The following LRRC36 variants were observed in gnomAD, a reference collection of about 807,000 sequenced individuals.
LRRC36 encodes leucine-rich repeat-containing protein 36.
In LRRC36, 62 loss-of-function variants were observed where a neutral mutation model predicts 81.1. The ratio of observed to expected loss-of-function variants is 0.76; its 90% CI spans 0.62 to 0.94. The LOEUF (loss-of-function observed/expected upper bound fraction) is 0.94, where lower values mean the gene tolerates loss of function less well. LRRC36 is among the 40% of genes least tolerant of loss of function. The probability of loss-of-function intolerance (pLI) is 0.00; values close to 1 mark genes in which losing one functional copy is unlikely to be tolerated. For synonymous variants in LRRC36, 334 were observed against 348.6 expected (o/e 0.96, Z 0.47); for missense variants, 761 against 881.7 (o/e 0.86, Z 1.73).
chr16:67,331,889 G>A (rs2037508857), intron 1 of LRRC36, among the ~76,000 whole-genome samples: 1 of 152,022 alleles, frequency 6.6e-6, no homozygotes. Context: ...TTGGGAGGCT[G>A]AGGCAGGAGA....
chr16:67,372,970 A>G (rs966570850), intron 9 of LRRC36, among the ~76,000 whole-genome samples: 10 of 152,208 alleles, frequency 6.6e-5, no homozygotes, highest in Non-Finnish European at 1.3e-4. Context: ...CTGTATTCAG[A>G]GTGAAGATCC....
intron 1 of LRRC36, among the ~76,000 whole-genome samples, chr16:67,336,409 G>C (rs932614626): frequency 7.2e-5 from 11 of 152,170 alleles, no homozygotes; most frequent in African/African-American, 2.7e-4. Flanking sequence ...GTCTTCTCAG[G>C]TGGCTTCACC....
At chr16:67,347,009 G>A (rs1045018602) in intron 3 of LRRC36, among the ~76,000 whole-genome samples, 2 of 152,064 alleles carry the variant, frequency 1.3e-5, no homozygotes, top group Non-Finnish European at 2.9e-5. Context: ...CAAGTAGCTG[G>A]AACTACAGGC....
intron 13 of LRRC36, among the ~76,000 whole-genome samples, chr16:67,383,953 A>G (rs780456015): frequency 4.8e-4 from 73 of 152,290 alleles, no homozygotes; most frequent in Admixed American, 2.1e-3. Context: ...TGGTGTATAG[A>G]GTTAGTTCTC....
At chr16:67,358,682 A>G (rs1281591496) in intron 5 of LRRC36, among the ~76,000 whole-genome samples, 2 of 152,054 alleles carry the variant, frequency 1.3e-5, no homozygotes, top group Admixed American at 6.6e-5. Flanking sequence ...TTACAACTCA[A>G]TAACAAAAAG....
At chr16:67,361,029 C>G (rs1030600097) in intron 5 of LRRC36, among the ~76,000 whole-genome samples, 1 of 152,134 alleles carries the variant, frequency 6.6e-6, no homozygotes, top group Non-Finnish European at 1.5e-5. Flanking sequence ...AATATGACAA[C>G]CTAATAGAAT....
At chr16:67,342,477 A>G (rs951664049) in intron 2 of LRRC36, among the ~76,000 whole-genome samples, 3 of 152,152 alleles carry the variant, frequency 2.0e-5, no homozygotes, top group Non-Finnish European at 2.9e-5. Context: ...TGATGGTGGT[A>G]CATGGAGCAT....
intron 5 of LRRC36, among the ~76,000 whole-genome samples, chr16:67,354,597 CAT>C (rs987231380): frequency 6.6e-6 from 1 of 152,058 alleles, no homozygotes; most frequent in African/African-American, 2.4e-5. Flanking sequence ...ATTTTTAAAA[CAT>C]ATTTTATTTT....
chr16:67,333,837 T>G (rs2037617700), intron 1 of LRRC36, among the ~76,000 whole-genome samples: 1 of 152,134 alleles, frequency 6.6e-6, no homozygotes, highest in Non-Finnish European at 1.5e-5. Flanking sequence ...CTTACCTTCC[T>G]TGCACCTCTC....
At chr16:67,333,385 G>A (rs536793870) in intron 1 of LRRC36, among the ~76,000 whole-genome samples, 124 of 152,196 alleles carry the variant, frequency 8.1e-4, no homozygotes, top group African/African-American at 2.6e-3. Flanking sequence ...ACCTGCCTCC[G>A]CCTCCCAAAG....
At position 67,371,240 on chromosome 16, in the gene LRRC36, G is replaced by T; in HGVS notation, c.1492G>T (p.Glu498Ter). ...TGGTTTCCAAGATGCTACAGGCAGC[G>T]AGGCAAGTGTTGGCTTGTTTGTGTT... ...KHGFQDATGS[E>*]PLSSDLGSLH... The change falls in exon 9 of 14, where the codon GAG becomes TAG. Residue 498 changes from glutamate (E) to a stop codon, truncating the protein, a stop_gained and splice_region_variant. Transcript: ENST00000329956. LOFTEE classifies it high-confidence loss of function. 1 of 1,614,194 alleles carries T rather than the reference G, an allele frequency of 6.2e-7. No individual in the cohort carries two copies. Among genetic ancestry groups the T allele is most frequent in the Non-Finnish European group, 8.5e-7 (1 of 1,180,034 alleles).
At chr16:67,381,604 GAACC>G (rs964780954) in intron 12 of LRRC36, among the ~76,000 whole-genome samples, 1 of 152,138 alleles carries the variant, frequency 6.6e-6, no homozygotes, top group African/African-American at 2.4e-5. Context: ...TCAGAAAAAT[GAACC>G]AACATGTGCA....
intron 12 of LRRC36, among the ~76,000 whole-genome samples, chr16:67,380,229 A>G (rs1239477917): frequency 6.6e-6 from 1 of 152,292 alleles, no homozygotes; most frequent in African/African-American, 2.4e-5. Context: ...ACAGTCCTAG[A>G]AGTAGAATTA....
At chr16:67,359,989 G>A (rs1288554968) in intron 5 of LRRC36, among the ~76,000 whole-genome samples, 3 of 152,106 alleles carry the variant, frequency 2.0e-5, no homozygotes, top group African/African-American at 7.2e-5. Flanking sequence ...GCTGGGCGTG[G>A]TGGTGCATAC....
At chr16:67,375,199 T>C in intron 9 of LRRC36, 48 bp from the exon 10 acceptor site, 1 of 1,578,216 alleles carries the variant, frequency 6.3e-7, no homozygotes, top group Non-Finnish European at 8.6e-7. Context: ...GAATGACAAA[T>C]GGTTGGGTTT....
chr16:67,327,085 A>AT, intron 1 of LRRC36, 153 bp downstream of exon 1: 1 of 671,686 alleles, frequency 1.5e-6, no homozygotes, highest in Non-Finnish European at 2.3e-6. Flanking sequence ...AACTTGAGGC[A>AT]GAAGGTTAGA....
In LRRC36 at chr16:67,330,819, C is replaced by T. The variant is rs191915685; in HGVS notation, c.70+3887C>T. Among the ~76,000 whole-genome samples the T allele has an allele frequency of 6.6e-3, 1,007 of 152,086 alleles. 6 individuals carry two copies. Among genetic ancestry groups the T allele is most frequent in the Non-Finnish European group, 0.011 (748 of 67,990 alleles). On this transcript the variant is annotated intron_variant, in intron 1 of 13. Transcript: ENST00000329956. ...AGCAGAGGTTGCAGTGAACTGAGAT[C>T]GCACCACTGCACTTCAGCCTGGACG...
chr16:67,384,735 A>G (rs1452683039), intron 13 of LRRC36, 135 bp from the exon 14 acceptor site: 14 of 639,508 alleles, frequency 2.2e-5, no homozygotes, highest in East Asian at 1.0e-4. Context: ...AAATAACTCA[A>G]TCATAAATTG....
intron 4 of LRRC36, 27 bp from the exon 5 acceptor site, chr16:67,350,175 T>A: frequency 1.4e-6 from 2 of 1,459,512 alleles, no homozygotes; most frequent in African/African-American, 1.5e-5. Flanking sequence ...TTTTTTTGAG[T>A]TGTAAATAAA....
Sources: allele counts gnomAD v4.1 joint callset (sites outside exome capture counted in the v4.1 genomes callset), GRCh38; gene constraint gnomAD v4.1.1; transcripts MANE v1.5; gene names NCBI Gene and HGNC (gene_info 2026-07-23, HGNC 2026-07-21).